Variants in TIMMDC1 observed in about 807,000 individuals in gnomAD.
TIMMDC1 encodes complex I assembly factor TIMMDC1, mitochondrial.
A neutral mutation model predicts 32.6 loss-of-function variants in TIMMDC1; 25 were observed. The observed-to-expected ratio is 0.77, with a 90% CI of 0.56 to 1.07. The LOEUF is 1.07. Among genes scored for constraint, TIMMDC1 ranks in the 50% least tolerant of loss-of-function variants. The pLI, the probability that TIMMDC1 is intolerant of heterozygous loss-of-function variation, is 0.00. For missense variants in TIMMDC1, 329 were observed against 349.2 expected (o/e 0.94, Z 0.46); for synonymous variants, 130 against 127.6 (o/e 1.02, Z -0.13).
chr3:119,521,695 T>TAA (rs35164005), intron 6 of TIMMDC1, among the ~76,000 whole-genome samples: 1,915 of 142,054 alleles, frequency 0.013, 42 homozygotes, highest in South Asian at 0.073. Context: ...CCTGTCTCTT[T>TAA]AAAAAAAAAA....
intron 6 of TIMMDC1, among the ~76,000 whole-genome samples, chr3:119,521,438 G>A (rs7610763): frequency 0.051 from 7,770 of 152,166 alleles, 256 homozygotes; most frequent in Non-Finnish European, 0.072. Context: ...TCCCAACTGC[G>A]TGGGAGGCTG....
intron 1 of TIMMDC1, among the ~76,000 whole-genome samples, chr3:119,499,580 G>A (rs7619349): frequency 0.038 from 5,708 of 151,734 alleles, 352 homozygotes; most frequent in African/African-American, 0.13. Context: ...ACCATGCCCA[G>A]CTAATTTTTG....
At chr3:119,523,281 A>G (rs1448175216) in intron 6 of TIMMDC1, among the ~76,000 whole-genome samples, 1 of 152,154 alleles carries the variant, frequency 6.6e-6, no homozygotes, top group Non-Finnish European at 1.5e-5. Flanking sequence ...GCGAGACTTC[A>G]AGCCTTCACA....
rs1410092773 is a variant in TIMMDC1, at chr3:119,523,650, A to G, written c.752A>G (p.Glu251Gly). Reference protein sequence around the residue: ...QVTEHLPEKIESSLQEDEPEN... With the variant: ...QVTEHLPEKIGSSLQEDEPEN... ...ACTGAGCACCTCCCTGAGAAAATTGAAAGTAGTTTACAGGAAGATGAACCT... is the reference window on the plus strand; with the variant it reads ...ACTGAGCACCTCCCTGAGAAAATTGGAAGTAGTTTACAGGAAGATGAACCT... Residue 251 changes from glutamate (E) to glycine (G), a missense_variant, in exon 7 of 7, where the codon GAA becomes GGA. By Grantham distance (98) the Glu-to-Gly change is moderately conservative. Transcript: ENST00000494664. The G allele has an allele frequency of 1.2e-6, 2 of 1,613,108 alleles. No individual in the cohort carries two copies. The highest frequency in any genetic ancestry group is 1.7e-6 in the Non-Finnish European group (2 of 1,179,568).
intron 6 of TIMMDC1, among the ~76,000 whole-genome samples, chr3:119,522,284 A>T (rs1194124138): frequency 2.0e-5 from 3 of 152,196 alleles, no homozygotes; most frequent in African/African-American, 7.2e-5. Flanking sequence ...GGACATTGTT[A>T]TGTAAAATAA....
At chr3:119,522,804 TTGTGTGTGTGTGTGTG>T (rs71156752) in intron 6 of TIMMDC1, among the ~76,000 whole-genome samples, 10 of 148,642 alleles carry the variant, frequency 6.7e-5, no homozygotes, top group African/African-American at 2.4e-4. Flanking sequence ...GTATGGGTGT[TTGTGTGTGTGTGTGTG>T]TGTGTGTGTG....
At chr3:119,502,483 T>G (rs564158274) in intron 2 of TIMMDC1, among the ~76,000 whole-genome samples, 3,995 of 151,970 alleles carry the variant, frequency 0.026, 80 homozygotes, top group Middle Eastern at 0.068. Context: ...ACCCCCTCCT[T>G]GGCCTCCCAA....
intron 6 of TIMMDC1, among the ~76,000 whole-genome samples, chr3:119,518,332 A>G (rs1211458944): frequency 1.3e-5 from 2 of 152,130 alleles, no homozygotes; most frequent in African/African-American, 4.8e-5. Flanking sequence ...TTTTGGTATT[A>G]TAATTGGATA....
intron 6 of TIMMDC1, among the ~76,000 whole-genome samples, chr3:119,517,784 AT>A (rs2081996003): frequency 6.6e-6 from 1 of 152,106 alleles, no homozygotes; most frequent in African/African-American, 2.4e-5. Flanking sequence ...CCTGGCCAAC[AT>A]GGCAAAACCC....
chr3:119,502,528 A>G (rs1283053902), intron 2 of TIMMDC1, among the ~76,000 whole-genome samples: 1 of 151,682 alleles, frequency 6.6e-6, no homozygotes, highest in East Asian at 1.9e-4. Context: ...CACTGTGCCC[A>G]GCCTATTTTT....
chr3:119,501,979 G>A (rs577597871), intron 2 of TIMMDC1, among the ~76,000 whole-genome samples: 215 of 152,226 alleles, frequency 1.4e-3, no homozygotes, highest in Non-Finnish European at 2.6e-3. Flanking sequence ...CCCTTTACTG[G>A]TGATGTTTAC....
At chr3:119,521,773 T>A (rs2082028599) in intron 6 of TIMMDC1, among the ~76,000 whole-genome samples, 1 of 151,592 alleles carries the variant, frequency 6.6e-6, no homozygotes, top group Non-Finnish European at 1.5e-5. Context: ...CTAACAAGTA[T>A]ATGAAAAAGT....
chr3:119,501,394 T>C (rs973263574), intron 2 of TIMMDC1, among the ~76,000 whole-genome samples: 8 of 152,228 alleles, frequency 5.3e-5, no homozygotes, highest in Non-Finnish European at 1.2e-4. Context: ...GGATTCTCCA[T>C]TGTTAACATT....
chr3:119,502,202 A>AT (rs1560045127), intron 2 of TIMMDC1, among the ~76,000 whole-genome samples: 2 of 151,900 alleles, frequency 1.3e-5, no homozygotes, highest in African/African-American at 4.8e-5. Context: ...AGCATTTATA[A>AT]TTTTTTTATT....
chr3:119,504,328 A>C (rs566131706), intron 4 of TIMMDC1, among the ~76,000 whole-genome samples: 2 of 152,242 alleles, frequency 1.3e-5, no homozygotes, highest in South Asian at 4.1e-4. Flanking sequence ...TAGTCAAAGA[A>C]GGCCTTTCTG....
chr3:119,513,802 AG>A, intron 5 of TIMMDC1, 83 bp downstream of exon 5: 1 of 887,210 alleles, frequency 1.1e-6, no homozygotes, highest in Non-Finnish European at 1.7e-6. Context: ...TTATTTTCAA[AG>A]AACAAATTTA....
intron 4 of TIMMDC1, among the ~76,000 whole-genome samples, chr3:119,505,113 C>T (rs1354164700): frequency 6.6e-6 from 1 of 150,946 alleles, no homozygotes; most frequent in Non-Finnish European, 1.5e-5. Flanking sequence ...TTTAAGTGTT[C>T]TCACCACAAA....
At chr3:119,516,877 A>G (rs2081987814) in intron 5 of TIMMDC1, among the ~76,000 whole-genome samples, 1 of 152,092 alleles carries the variant, frequency 6.6e-6, no homozygotes, top group Admixed American at 6.6e-5. Context: ...ACTTACTAGA[A>G]CTTGTCATAA....
Position 119,498,634 on chromosome 3 carries a change from G to A in TIMMDC1, c.-100G>A, listed in dbSNP as rs2081841771. On this transcript the variant is annotated 5_prime_UTR_variant, in exon 1 of 7. It removes an upstream start codon present in the reference 5' UTR. Transcript: ENST00000494664. Reference sequence around the variant, plus strand: ...GGCAGAGGGTTAACCTGGGTCAAATGCACGGATTCTCACCTCGTACAGTTA... The same window carrying A: ...GGCAGAGGGTTAACCTGGGTCAAATACACGGATTCTCACCTCGTACAGTTA... The A allele has an allele frequency of 8.2e-7, 1 of 1,213,082 alleles. No homozygotes were observed. The highest frequency in any genetic ancestry group is 1.2e-6 in the Non-Finnish European group (1 of 849,248). The allele number at this position is 1,213,082 out of a possible 1,614,324, so 75.1% of individuals were successfully genotyped here.
Sources: allele counts gnomAD v4.1 joint callset (sites outside exome capture counted in the v4.1 genomes callset), GRCh38; gene constraint gnomAD v4.1.1; transcripts MANE v1.5; gene names NCBI Gene and HGNC (gene_info 2026-07-23, HGNC 2026-07-21).